NFKB1: variants seen among roughly 807,000 people sequenced by gnomAD.
NFKB1 encodes nuclear factor NF-kappa-B p105 subunit.
Under a neutral mutation model 105.1 loss-of-function variants are expected in NFKB1, and 9 were observed. The ratio of observed to expected loss-of-function variants is 0.09; its 90% CI spans 0.05 to 0.15. The LOEUF is 0.15. NFKB1 is among the 10% of genes least tolerant of loss of function. The probability of loss-of-function intolerance (pLI) is 1.00; values close to 1 mark genes in which losing one functional copy is unlikely to be tolerated. For synonymous variants in NFKB1, 440 were observed against 442.2 expected (o/e 1.00, Z 0.06); for missense variants, 830 against 1,203.7 (o/e 0.69, Z 4.59).
rs1223832583 is a variant in NFKB1 at position 102,529,895 on chromosome 4, A to G, written c.99A>G (p.Pro33=). ...TATTTAATCCAGAAGTATTTCAACC[A>G]CAGATGGCACTGCCAACAGGTAAGA... is the stretch of plus-strand genomic sequence containing the variant. ...HTIFNPEVFQ[P]QMALPTADGP... is the part of the protein sequence containing the mutation. Residue 33 remains proline, a synonymous_variant, in exon 3 of 24, where the codon CCA becomes CCG. Transcript: ENST00000226574. The G allele has an allele frequency of 1.2e-6, 2 of 1,610,256 alleles. No individual in the cohort carries two copies. Among genetic ancestry groups the G allele is most frequent in the Admixed American group, 1.7e-5 (1 of 59,798 alleles).
At chr4:102,541,935 G>A (rs1742022212) in intron 5 of NFKB1, among the ~76,000 whole-genome samples, 1 of 152,150 alleles carries the variant, frequency 6.6e-6, no homozygotes, top group South Asian at 2.1e-4. Flanking sequence ...TGGAAACGCT[G>A]ATAGTTCAGT....
intron 5 of NFKB1, among the ~76,000 whole-genome samples, chr4:102,551,918 A>G (rs563596038): frequency 1.3e-5 from 2 of 152,228 alleles, no homozygotes; most frequent in Non-Finnish European, 2.9e-5. Flanking sequence ...ACAAATTACA[A>G]GTACAGAGTG....
chr4:102,594,653 C>G (rs1033200416), intron 12 of NFKB1, among the ~76,000 whole-genome samples: 8 of 152,154 alleles, frequency 5.3e-5, no homozygotes, highest in African/African-American at 1.9e-4. Flanking sequence ...TCCATTACAA[C>G]CCCTCCCCAA....
At chr4:102,560,283 C>T (rs758937911) in intron 5 of NFKB1, among the ~76,000 whole-genome samples, 6 of 152,152 alleles carry the variant, frequency 3.9e-5, no homozygotes, top group Non-Finnish European at 7.3e-5. Flanking sequence ...GCAGCTATAT[C>T]TGATGTAGTA....
chr4:102,558,318 G>T (rs755288895), intron 5 of NFKB1, among the ~76,000 whole-genome samples: 4 of 151,860 alleles, frequency 2.6e-5, no homozygotes, highest in Non-Finnish European at 4.4e-5. Flanking sequence ...TTCTGTTCTC[G>T]TGTTAGTTTG....
chr4:102,517,452 A>T (rs577383968), intron 1 of NFKB1, among the ~76,000 whole-genome samples: 1 of 152,314 alleles, frequency 6.6e-6, no homozygotes, highest in African/African-American at 2.4e-5. Context: ...TAAAATTAAT[A>T]CAGTATTACT....
intron 11 of NFKB1, 183 bp from the exon 12 acceptor site, chr4:102,593,242 C>G (rs957381805): frequency 2.2e-5 from 12 of 556,404 alleles, no homozygotes; most frequent in African/African-American, 2.1e-4. Context: ...AGCTAACTTT[C>G]AGCCTTCATA....
intron 4 of NFKB1, among the ~76,000 whole-genome samples, chr4:102,535,395 A>G (rs1741567566): frequency 6.6e-6 from 1 of 152,208 alleles, no homozygotes; most frequent in Non-Finnish European, 1.5e-5. Flanking sequence ...TGAAGGGTTA[A>G]TGTAGTTCCA....
intron 2 of NFKB1, among the ~76,000 whole-genome samples, chr4:102,527,471 C>T (rs1740996746): frequency 1.3e-5 from 2 of 152,134 alleles, no homozygotes; most frequent in African/African-American, 4.8e-5. Context: ...TGCAAAGAAT[C>T]AGCCAGAAAA....
chr4:102,583,247 A>G (rs1725454264), intron 10 of NFKB1, among the ~76,000 whole-genome samples: 2 of 152,144 alleles, frequency 1.3e-5, no homozygotes, highest in Non-Finnish European at 1.5e-5. Context: ...TGGCCTCCCA[A>G]AATGCTGGGA....
chr4:102,562,042 G>A (rs904994432), intron 5 of NFKB1, among the ~76,000 whole-genome samples: 19 of 152,182 alleles, frequency 1.2e-4, no homozygotes, highest in Non-Finnish European at 2.4e-4. Flanking sequence ...CAATAGGGAA[G>A]TGGAGGAACA....
At chr4:102,573,217 A>G (rs1204153605) in intron 6 of NFKB1, among the ~76,000 whole-genome samples, 1 of 152,160 alleles carries the variant, frequency 6.6e-6, no homozygotes, top group Non-Finnish European at 1.5e-5. Flanking sequence ...CCGAGGCAGG[A>G]GAATCACTTG....
chr4:102,610,718 G>T lies in NFKB1; in HGVS notation c.2352+19G>T, dbSNP rs1336940717. 1 of 1,612,484 alleles carries T rather than the reference G, an allele frequency of 6.2e-7. No individual in the cohort carries two copies. The highest frequency in any genetic ancestry group is 8.5e-7 in the Non-Finnish European group (1 of 1,178,966). ...CTGGCAGGTGAGTGCCGCTCCATCT[G>T]TCTGATGGCTGCCCCTGAGGGAGTC... On this transcript the variant is annotated intron_variant, in intron 20 of 23. Transcript: ENST00000226574.
intron 6 of NFKB1, among the ~76,000 whole-genome samples, chr4:102,568,534 T>C (rs1724063688): frequency 6.6e-6 from 1 of 152,170 alleles, no homozygotes. Flanking sequence ...TGCAGATTTA[T>C]TCCAGTAGGG....
intron 5 of NFKB1, among the ~76,000 whole-genome samples, chr4:102,563,033 A>C (rs551661214): frequency 5.4e-4 from 82 of 152,284 alleles, no homozygotes; most frequent in Non-Finnish European, 8.2e-4. Flanking sequence ...GGACATTTCA[A>C]ATCCTGATTC....
intron 5 of NFKB1, among the ~76,000 whole-genome samples, chr4:102,555,953 G>T (rs913305000): frequency 6.6e-6 from 1 of 152,142 alleles, no homozygotes; most frequent in Non-Finnish European, 1.5e-5. Context: ...CTAGTTGGAA[G>T]AATTGCAGTG....
At chr4:102,612,303 T>C in intron 21 of NFKB1, 131 bp from the exon 22 acceptor site, 1 of 1,028,360 alleles carries the variant, frequency 9.7e-7, no homozygotes, top group South Asian at 1.6e-5. Flanking sequence ...TCAGCTGGGC[T>C]TTGACCTTCA....
chr4:102,530,812 T>C (rs1330035305), intron 3 of NFKB1, among the ~76,000 whole-genome samples: 1 of 152,208 alleles, frequency 6.6e-6, no homozygotes, highest in Non-Finnish European at 1.5e-5. Flanking sequence ...TTTATATCTT[T>C]AGTATTTCTA....
intron 12 of NFKB1, among the ~76,000 whole-genome samples, chr4:102,594,351 A>G (rs1400689564): frequency 6.6e-6 from 1 of 152,116 alleles, no homozygotes; most frequent in African/African-American, 2.4e-5. Context: ...ATTCCAGATT[A>G]CTTTTGTAAA....
Sources: allele counts gnomAD v4.1 joint callset (sites outside exome capture counted in the v4.1 genomes callset), GRCh38; gene constraint gnomAD v4.1.1; transcripts MANE v1.5; gene names NCBI Gene and HGNC (gene_info 2026-07-23, HGNC 2026-07-21).